The following RGPD1 variants were observed in gnomAD, a reference collection of about 807,000 sequenced individuals.
The protein encoded by RGPD1 is RANBP2-like and GRIP domain-containing protein 1.
Under a neutral mutation model 40.6 loss-of-function variants are expected in RGPD1, and 7 were observed. That is an observed-to-expected ratio of 0.17 (90% CI 0.10 to 0.32). The LOEUF (loss-of-function observed/expected upper bound fraction) is 0.32, where lower values mean the gene tolerates loss of function less well. Among genes scored for constraint, RGPD1 ranks in the 10% least tolerant of loss-of-function variants. The pLI, the probability that RGPD1 is intolerant of heterozygous loss-of-function variation, is 1.00. For missense variants in RGPD1, 50 were observed against 472.5 expected (o/e 0.11, Z 8.29); for synonymous variants, 24 against 167.0 (o/e 0.14, Z 6.60).
rs1678815631 is a variant in RGPD1 at position 86,930,126 on chromosome 2, A to G, written c.72+16205A>G. The G allele has an allele frequency of 2.0e-6, 3 of 1,538,158 alleles. No homozygotes were observed. In the African/African-American group the frequency reaches 4.2e-5, roughly 21 times the overall value. On this transcript the variant is annotated intron_variant, in intron 1 of 22. Coordinates refer to the RGPD1 transcript ENST00000398193. ...TACCGGAGTCGCCAGTTAAACGGCG[A>G]TAGCGGCAGGAGGGGGGTGTGGGGG... is the stretch of plus-strand genomic sequence containing the variant.
intron 1 of RGPD1, among the ~76,000 whole-genome samples, chr2:86,942,990 C>G (rs1364892904): frequency 2.6e-5 from 4 of 151,910 alleles, no homozygotes; most frequent in Non-Finnish European, 5.9e-5. Flanking sequence ...GGGGCTTGGG[C>G]ACCCGGGTGC....
chr2:86,925,451 A>G (rs1189856670), intron 1 of RGPD1, among the ~76,000 whole-genome samples: 1 of 151,014 alleles, frequency 6.6e-6, no homozygotes, highest in Non-Finnish European at 1.5e-5. Context: ...TATTTTTAGT[A>G]GAGACCACGT....
Position 86,962,507 on chromosome 2 carries a change from C to CAA in RGPD1, c.780-497_780-496dup, listed in dbSNP as rs61486857. Among the ~76,000 whole-genome samples the CAA allele has an allele frequency of 7.0e-4, 21 of 29,880 alleles. 1 individual carries two copies. The East Asian group carries it at 0.01, about 15-fold the overall frequency. The allele number at this position is 29,880 out of a possible 152,430, so 19.6% of individuals were successfully genotyped here. A position where few individuals can be genotyped will look rare whatever the true frequency, so the allele number is the denominator to read the frequency against. On this transcript the variant is annotated intron_variant, in intron 6 of 22. Coordinates refer to ENST00000641458, the MANE Select transcript of RGPD1 (RefSeq NM_001382344.1). ...CAGGCGATAGTGAGAGACTCTGTCT[C>CAA]AAAAAAAAAAAAAAAAAAAAAAAAA...
At position 86,914,979 on chromosome 2, in the gene RGPD1, G is replaced by A. The variant is rs1486106761; in HGVS notation, c.72+1058G>A. On this transcript the variant is annotated intron_variant, in intron 1 of 22. Coordinates refer to the RGPD1 transcript ENST00000398193. ...CCTGGCCTAAGGTACTTCTGTTGGG[G>A]AATATTGTGCAGTATAATAATATAT... 6.1e-5 allele frequency among the ~76,000 whole-genome samples: 9 copies of A among 148,098 alleles called. No individual in the cohort carries two copies. The South Asian group carries it at 1.7e-3, about 28-fold the overall frequency.
intron 6 of RGPD1, among the ~76,000 whole-genome samples, chr2:86,960,200 G>A (rs543794751): frequency 1.0e-5 from 1 of 98,474 alleles, no homozygotes; most frequent in African/African-American, 5.0e-5. Context: ...AAGATAAAAA[G>A]CTGGTGCCAC....
chr2:86,913,951 T>A, intron 1 of RGPD1: 1 of 1,304,726 alleles, frequency 7.7e-7, no homozygotes, highest in Non-Finnish European at 1.0e-6. Flanking sequence ...ACCGACGGCC[T>A]CGACCTGGCG....
chr2:86,945,385 A>C (rs1222181242), intron 1 of RGPD1, among the ~76,000 whole-genome samples: 2 of 152,196 alleles, frequency 1.3e-5, no homozygotes, highest in Admixed American at 6.5e-5. Flanking sequence ...GGTGCTTTGG[A>C]TAGAAGGTAA....
intron 7 of RGPD1, among the ~76,000 whole-genome samples, chr2:86,963,735 A>AT (rs1225406363): frequency 1.6e-5 from 1 of 61,408 alleles, no homozygotes; most frequent in Admixed American, 1.7e-4. Context: ...ACCTTTTCTT[A>AT]TTTTTTATTT....
At chr2:86,944,775 G>A (rs997041248) in intron 1 of RGPD1, among the ~76,000 whole-genome samples, 43 of 152,120 alleles carry the variant, frequency 2.8e-4, no homozygotes, top group African/African-American at 8.9e-4. Flanking sequence ...TGGCAGGATC[G>A]TGGCTCACTG....
At position 86,964,105 on chromosome 2, in the gene RGPD1, C is replaced by T. The variant is rs1413624621; in HGVS notation, c.975+881C>T. On this transcript the variant is annotated intron_variant, in intron 7 of 22. Coordinates refer to ENST00000641458, the MANE Select transcript of RGPD1 (RefSeq NM_001382344.1). Reference sequence around the variant, plus strand: ...TCGCCCAGGCTGGAGTGCAGTGGCACGATCTCGGCTCACTGCAAGCTCCAC... The same window carrying T: ...TCGCCCAGGCTGGAGTGCAGTGGCATGATCTCGGCTCACTGCAAGCTCCAC... 2.4e-5 allele frequency among the ~76,000 whole-genome samples: 2 copies of T among 84,844 alleles called. 1 individual carries two copies. The highest frequency in any genetic ancestry group is 1.2e-4 in the African/African-American group (2 of 16,868). The allele number at this position is 84,844 out of a possible 152,430, so 55.7% of individuals were successfully genotyped here. A position where few individuals can be genotyped will look rare whatever the true frequency, so the allele number is the denominator to read the frequency against.
chr2:86,945,877 CAAAAAATA>C (rs1210177000), intron 1 of RGPD1, among the ~76,000 whole-genome samples: 78 of 137,478 alleles, frequency 5.7e-4, no homozygotes, highest in Non-Finnish European at 9.7e-4. Context: ...ACTCTGTCTC[CAAAAAATA>C]AAAAAATAAA....
At chr2:86,930,533 G>T in intron 1 of RGPD1, 1 of 1,568,408 alleles carries the variant, frequency 6.4e-7, no homozygotes, top group Non-Finnish European at 8.7e-7. Flanking sequence ...GGTGGCGGAA[G>T]GCCCAACAGC....
At chr2:86,940,772 T>C (rs1679680075), upstream of RGPD1, among the ~76,000 whole-genome samples, 1 of 151,430 alleles carries the variant, frequency 6.6e-6, no homozygotes, top group Admixed American at 6.6e-5. Context: ...CATCAAGATC[T>C]CTGTCCTACC....
intron 1 of RGPD1, among the ~76,000 whole-genome samples, chr2:86,924,165 TGGGGGAGG>T (rs1476649079): frequency 6.9e-4 from 98 of 142,930 alleles, no homozygotes; most frequent in Non-Finnish European, 1.1e-3. Flanking sequence ...TTTCTTTTTT[TGGGGGAGG>T]GGGACAGAGT....
rs1256594411 is a variant in RGPD1, at chr2:86,978,048, C to T, written c.2463+117C>T. The T allele has an allele frequency of 2.5e-5, 15 of 610,498 alleles. No individual in the cohort carries two copies. The East Asian group carries it at 4.6e-4, about 19-fold the overall frequency. 37.8% of individuals were successfully genotyped at this position (610,498 alleles called of 1,614,324 possible). A position where few individuals can be genotyped will look rare whatever the true frequency, so the allele number is the denominator to read the frequency against. ...TCCCCTTGCCATCCAAATAGTATGG[C>T]AAGGGGACATTTTGGTCTTTTTTTT... On this transcript the variant is annotated intron_variant, in intron 17 of 22. Transcript: ENST00000641458.
At chr2:86,939,623 T>C (rs1372450859), upstream of RGPD1, among the ~76,000 whole-genome samples, 1 of 139,304 alleles carries the variant, frequency 7.2e-6, no homozygotes, top group Non-Finnish European at 1.5e-5. Context: ...AGGTTCTCTC[T>C]TTGGGCACTC....
intron 1 of RGPD1, among the ~76,000 whole-genome samples, chr2:86,923,411 C>T (rs1485535215): frequency 1.3e-5 from 2 of 151,562 alleles, no homozygotes; most frequent in Admixed American, 6.6e-5. Context: ...AAATGAAATA[C>T]ATCTTGAGTT....
upstream of RGPD1, among the ~76,000 whole-genome samples, chr2:86,941,852 A>G (rs1679785662): frequency 6.6e-6 from 1 of 151,308 alleles, no homozygotes; most frequent in African/African-American, 2.4e-5. Flanking sequence ...CTGGGATTAC[A>G]GGGGCCCACC....
At chr2:86,941,307 TTTACA>T (rs1191330676), upstream of RGPD1, among the ~76,000 whole-genome samples, 1 of 149,948 alleles carries the variant, frequency 6.7e-6, no homozygotes. Flanking sequence ...GCTGAAAATC[TTTACA>T]TTATTACTGT....
Sources: gnomAD v4.1 joint callset for allele counts (sites outside exome capture counted in the v4.1 genomes callset) on GRCh38, gnomAD v4.1.1 for gene constraint, MANE v1.5 for transcripts, NCBI Gene and HGNC (gene_info 2026-07-23, HGNC 2026-07-21) for gene names.